The following FANCC variants were observed in gnomAD, a reference collection of about 807,000 sequenced individuals.
The protein encoded by FANCC is Fanconi anemia group C protein.
A neutral mutation model predicts 71.3 loss-of-function variants in FANCC; 55 were observed. The ratio of observed to expected loss-of-function variants is 0.77; its 90% CI spans 0.62 to 0.97. The LOEUF is 0.97. FANCC is among the 50% of genes least tolerant of loss of function. FANCC has a pLI of 0.00. For synonymous variants in FANCC, 275 were observed against 244.9 expected (o/e 1.12, Z -1.15); for missense variants, 678 against 670.9 (o/e 1.01, Z -0.12).
chr9:95,247,346 AGGAG>A, intron 3 of FANCC, 82 bp downstream of exon 3: 2 of 956,716 alleles, frequency 2.1e-6, no homozygotes, highest in Non-Finnish European at 1.6e-6. Context: ...AAAAAAAACT[AGGAG>A]AAAGGTTCAT....
At chr9:95,173,150 C>G (rs1358044388) in intron 4 of FANCC, among the ~76,000 whole-genome samples, 4 of 152,150 alleles carry the variant, frequency 2.6e-5, no homozygotes, top group African/African-American at 9.7e-5. Flanking sequence ...TTAATGAATT[C>G]AAGTTTTTTA....
At chr9:95,180,605 C>G (rs1826287348) in intron 4 of FANCC, among the ~76,000 whole-genome samples, 2 of 151,398 alleles carry the variant, frequency 1.3e-5, no homozygotes, top group South Asian at 4.2e-4. Context: ...TCCCAAAGCA[C>G]TGGGATTATA....
chr9:95,205,341 G>A (rs1828056964), intron 4 of FANCC, among the ~76,000 whole-genome samples: 1 of 151,862 alleles, frequency 6.6e-6, no homozygotes, highest in Non-Finnish European at 1.5e-5. Context: ...AATTATGTGT[G>A]CCTATATAAA....
At chr9:95,111,301 A>G (rs952829361) in intron 13 of FANCC, 162 bp downstream of exon 13, 1 of 1,584,862 alleles carries the variant, frequency 6.3e-7, no homozygotes, top group African/African-American at 1.3e-5. Flanking sequence ...TCTGACCACA[A>G]GGCTGGAGAT....
At chr9:95,119,506 A>C (rs1358532676) in intron 10 of FANCC, among the ~76,000 whole-genome samples, 1 of 151,186 alleles carries the variant, frequency 6.6e-6, no homozygotes, top group Non-Finnish European at 1.5e-5. Context: ...GCTGGGACTA[A>C]AGGCACATGC....
chr9:95,103,264 T>C (rs2071197633), intron 14 of FANCC, among the ~76,000 whole-genome samples: 1 of 151,998 alleles, frequency 6.6e-6, no homozygotes. Context: ...CACTCCTGGG[T>C]GGGCCCCTTC....
chr9:95,255,878 G>A (rs1252762732), intron 1 of FANCC, among the ~76,000 whole-genome samples: 1 of 151,536 alleles, frequency 6.6e-6, no homozygotes, highest in East Asian at 2.0e-4. Context: ...TGAGAACTTC[G>A]TGAAGCATAC....
At chr9:95,135,310 C>T in intron 8 of FANCC, 36 bp downstream of exon 8, 2 of 1,606,712 alleles carry the variant, frequency 1.2e-6, no homozygotes, top group Non-Finnish European at 1.7e-6. Context: ...GCATCTCCTT[C>T]AAGGATTTTT....
chr9:95,174,986 G>A (rs1588226637), intron 4 of FANCC, among the ~76,000 whole-genome samples: 1 of 152,112 alleles, frequency 6.6e-6, no homozygotes, highest in Non-Finnish European at 1.5e-5. Context: ...AGCTTAATCA[G>A]TAAACATTAG....
intron 1 of FANCC, among the ~76,000 whole-genome samples, chr9:95,286,771 T>C (rs1053557014): frequency 3.3e-5 from 5 of 152,208 alleles, no homozygotes; most frequent in African/African-American, 1.2e-4. Context: ...AGCACTTTCC[T>C]GGCACGTGCA....
At chr9:95,212,386 T>C (rs1828560820) in intron 4 of FANCC, among the ~76,000 whole-genome samples, 1 of 151,882 alleles carries the variant, frequency 6.6e-6, no homozygotes. Context: ...AAGATACAGA[T>C]GAACAAAGAT....
At chr9:95,260,684 T>TAAAAAAAAAAAAAAAAAAA (rs542398381) in intron 1 of FANCC, among the ~76,000 whole-genome samples, 1 of 130,200 alleles carries the variant, frequency 7.7e-6, no homozygotes. Flanking sequence ...GAACTTAAAA[T>TAAAAAAAAAAAAAAAAAAA]ATAAAAAAAA....
In FANCC at chr9:95,288,206, CAAT is replaced by C. The variant is rs1439473904; in HGVS notation, c.-79+29317_-79+29319del. ...TTCTCTAAAACACAGGCTGTTTCAG[CAAT>C]AATAATTTGTAAAGCAGGATTTTAT... is the stretch of plus-strand genomic sequence containing the variant. On this transcript the variant is annotated intron_variant, in intron 1 of 14. Coordinates refer to ENST00000289081, the MANE Select transcript of FANCC (RefSeq NM_000136.3). Among the ~76,000 whole-genome samples the C allele has an allele frequency of 2.2e-4, 33 of 152,196 alleles. No individual in the cohort carries two copies. The South Asian group carries it at 5.2e-3, about 24-fold the overall frequency.
chr9:95,307,465 T>C (rs1835133813), intron 1 of FANCC, among the ~76,000 whole-genome samples: 1 of 152,242 alleles, frequency 6.6e-6, no homozygotes, highest in African/African-American at 2.4e-5. Context: ...TCTACAGATA[T>C]GAAACTTAGA....
chr9:95,271,475 C>T lies in FANCC; in HGVS notation c.-78-22106G>A, dbSNP rs117395487. Among the ~76,000 whole-genome samples the T allele has an allele frequency of 5.3e-4, 81 of 152,182 alleles. 2 individuals carry two copies. In the East Asian group the frequency reaches 0.012, roughly 23 times the overall value. On this transcript the variant is annotated intron_variant, in intron 1 of 14. Coordinates refer to ENST00000289081, the MANE Select transcript of FANCC (RefSeq NM_000136.3). ...GACAGAAGCAAAGATTGGAGGGATG[C>T]GGCCACAAGCCCAGGAATGCCATGC...
intron 1 of FANCC, among the ~76,000 whole-genome samples, chr9:95,285,687 T>C (rs1004620631): frequency 6.6e-6 from 1 of 151,976 alleles, no homozygotes; most frequent in Admixed American, 6.6e-5. Context: ...AAAAAAAAAT[T>C]CCCAGTACTG....
At chr9:95,302,044 T>G (rs1448668630) in intron 1 of FANCC, among the ~76,000 whole-genome samples, 1 of 134,190 alleles carries the variant, frequency 7.5e-6, no homozygotes, top group African/African-American at 2.8e-5. Context: ...ATGGCGCCAC[T>G]GCACTCCAGC....
chr9:95,283,024 C>A (rs1230323097), intron 1 of FANCC, among the ~76,000 whole-genome samples: 1 of 152,168 alleles, frequency 6.6e-6, no homozygotes, highest in East Asian at 1.9e-4. Context: ...TGCAAATACC[C>A]TGAGAAAGGA....
chr9:95,099,193 G>C lies in FANCC; in HGVS notation c.*2514C>G, dbSNP rs1056324968. ...TGGAGGGGCGCTCTCCGCCTCTTCTGTATTTTTGGCTCTCTCTGAGGGTAG... is the reference window on the plus strand; with the variant it reads ...TGGAGGGGCGCTCTCCGCCTCTTCTCTATTTTTGGCTCTCTCTGAGGGTAG... On this transcript the variant is annotated 3_prime_UTR_variant, in exon 15 of 15. Transcript: ENST00000289081. 4 of 217,000 alleles carry C rather than the reference G, an allele frequency of 1.8e-5. No individual in the cohort carries two copies. In the Admixed American group the frequency reaches 2.3e-4, roughly 13 times the overall value. 13.4% of individuals were successfully genotyped at this position (217,000 alleles called of 1,614,324 possible). A position where few individuals can be genotyped will look rare whatever the true frequency, so the allele number is the denominator to read the frequency against.
Sources: allele counts gnomAD v4.1 joint callset (sites outside exome capture counted in the v4.1 genomes callset), GRCh38; gene constraint gnomAD v4.1.1; transcripts MANE v1.5; gene names NCBI Gene and HGNC (gene_info 2026-07-23, HGNC 2026-07-21).